PANK4: variants seen among roughly 807,000 people sequenced by gnomAD.
PANK4 encodes the protein 4'-phosphopantetheine phosphatase.
PANK4 carries 40 observed loss-of-function variants against 87.9 expected under a neutral mutation model. The ratio of observed to expected loss-of-function variants is 0.46; its 90% CI spans 0.35 to 0.59. The LOEUF is 0.59. Among genes scored for constraint, PANK4 ranks in the 20% least tolerant of loss-of-function variants. The pLI is 0.00. For missense variants in PANK4, 926 were observed against 1,072.3 expected (o/e 0.86, Z 1.90); for synonymous variants, 524 against 467.4 (o/e 1.12, Z -1.56).
chr1:2,524,212 C>A (rs544712992), intron 1 of PANK4, among the ~76,000 whole-genome samples: 2 of 152,294 alleles, frequency 1.3e-5, no homozygotes, highest in African/African-American at 4.8e-5. Flanking sequence ...TGAATCTGCT[C>A]AGCAGACATC....
At chr1:2,526,324 C>G (rs945498249) in intron 1 of PANK4, 140 bp downstream of exon 1, 2 of 336,824 alleles carry the variant, frequency 5.9e-6, no homozygotes, top group African/African-American at 4.5e-5. Context: ...TGCGCGGGCC[C>G]GCGGACTACA....
Position 2,509,790 on chromosome 1 carries a change from C to T in PANK4, c.2108+72G>A, listed in dbSNP as rs904102893. The T allele has an allele frequency of 7.2e-7, 1 of 1,389,604 alleles. No homozygotes were observed. The highest frequency in any genetic ancestry group is 1.8e-5 in the Admixed American group (1 of 56,372). 86.1% of individuals were successfully genotyped at this position (1,389,604 alleles called of 1,614,324 possible). A position where few individuals can be genotyped will look rare whatever the true frequency, so the allele number is the denominator to read the frequency against. ...CCTGAGGTCGGTGTCCCGCATGCAC[C>T]TGGGTGCAGGTGCACGGCACAGAGG... On this transcript the variant is annotated intron_variant, in intron 18 of 18. Transcript: ENST00000378466. The surrounding 1 kb of genome is among the most constrained non-coding windows in gnomAD (Gnocchi z 4.9).
chr1:2,520,993 T>C lies in PANK4; in HGVS notation c.423-87A>G, dbSNP rs532340122. 1.4e-4 allele frequency: 216 copies of C among 1,533,194 alleles called. 1 individual carries two copies. The East Asian group carries it at 4.5e-3, about 32-fold the overall frequency. 95.0% of individuals were successfully genotyped at this position (1,533,194 alleles called of 1,614,324 possible). ...CCTGCCTGGTCCGAAGGGGCAGCCA[T>C]GCCCCATGCGCAATCTGACACACGA... On this transcript the variant is annotated intron_variant, in intron 3 of 18. Coordinates refer to ENST00000378466, the MANE Select transcript of PANK4 (RefSeq NM_018216.4). The surrounding 1 kb of genome is among the most constrained non-coding windows in gnomAD (Gnocchi z 6.2).
chr1:2,523,955 T>C (rs1643899137), intron 1 of PANK4, among the ~76,000 whole-genome samples: 1 of 152,222 alleles, frequency 6.6e-6, no homozygotes, highest in Non-Finnish European at 1.5e-5. Context: ...TCTTCACATC[T>C]GAGCCATGGC....
chr1:2,518,388 C>CT, intron 8 of PANK4, 124 bp from the exon 9 acceptor site: 2 of 967,326 alleles, frequency 2.1e-6, no homozygotes. Flanking sequence ...GACATGCCTG[C>CT]TGCTGTCACT....
chr1:2,513,938 G>A lies in PANK4; in HGVS notation c.1575+64C>T. 2.5e-6 allele frequency: 3 copies of A among 1,215,584 alleles called. No individual in the cohort carries two copies. In the South Asian group the frequency reaches 3.6e-5, roughly 15 times the overall value. The allele number at this position is 1,215,584 out of a possible 1,614,324, so 75.3% of individuals were successfully genotyped here. On this transcript the variant is annotated intron_variant, in intron 12 of 18. Coordinates refer to ENST00000378466, the MANE Select transcript of PANK4 (RefSeq NM_018216.4). ...GCCCCGAGCCAGCGGGACAGAGACA[G>A]GACACGCGGTGCCAGCGGGACGGGG...
Position 2,514,415 on chromosome 1 carries a change from T to A in PANK4, c.1426A>T (p.Arg476Trp), listed in dbSNP as rs1482886719. 6.2e-7 allele frequency: 1 copy of A among 1,612,208 alleles called. No individual in the cohort carries two copies. Among genetic ancestry groups the A allele is most frequent in the South Asian group, 1.1e-5 (1 of 91,068 alleles). Residue 476 changes from arginine to tryptophan, a missense_variant, in exon 11 of 19, where the codon AGG (arginine) becomes TGG (tryptophan). Arg to Trp is a moderately radical substitution (Grantham distance 101, BLOSUM62 -3). Coordinates refer to ENST00000378466, the MANE Select transcript of PANK4 (RefSeq NM_018216.4). ...TACTTCTGCCGGAACTTCTCCGCCC[T>A]CTCGGCTGCATCCACAGAGTCTGGC... ...SQPDSVDAAE[R>W]AEKFRQKYWN...
intron 15 of PANK4, 145 bp downstream of exon 15, chr1:2,511,193 C>G: frequency 1.5e-6 from 1 of 676,736 alleles, no homozygotes; most frequent in Non-Finnish European, 2.7e-6. Flanking sequence ...GCAGGGGATG[C>G]TGAGACCCTT....
chr1:2,511,469 T>C (rs1039487991), intron 14 of PANK4, 82 bp from the exon 15 acceptor site: 7 of 1,221,718 alleles, frequency 5.7e-6, no homozygotes, highest in African/African-American at 4.5e-5. Context: ...TGTTCGTCTC[T>C]CCAGGAAGCA....
At chr1:2,514,167 G>A (rs147608010) in intron 11 of PANK4, 78 bp from the exon 12 acceptor site, 48 of 1,333,534 alleles carry the variant, frequency 3.6e-5, no homozygotes, top group African/African-American at 1.6e-4. Context: ...GCTGTGCCAC[G>A]GACGTCCTCA....
At position 2,510,651 on chromosome 1, in the gene PANK4, G is replaced by T; in HGVS notation, c.1938+27C>A. On this transcript the variant is annotated intron_variant, in intron 16 of 18. Transcript: ENST00000378466. The surrounding 1 kb of genome is among the most constrained non-coding windows in gnomAD (Gnocchi z 4.9). ...CGAGAGCAGAGAAGCCCAGGGGAAG[G>T]GCCCCACCCACCACCTCAACACTCA... is the stretch of plus-strand genomic sequence containing the variant. 1 of 1,360,286 alleles carries T rather than the reference G, an allele frequency of 7.4e-7. No individual in the cohort carries two copies. The highest frequency in any genetic ancestry group is 1.0e-6 in the Non-Finnish European group (1 of 952,492). The allele number at this position is 1,360,286 out of a possible 1,614,324, so 84.3% of individuals were successfully genotyped here.
chr1:2,516,443 G>C (rs1355992947), intron 9 of PANK4, among the ~76,000 whole-genome samples: 1 of 152,182 alleles, frequency 6.6e-6, no homozygotes, highest in Non-Finnish European at 1.5e-5. Flanking sequence ...CTGAGCCGAC[G>C]CACACATCAG....
In PANK4 at chr1:2,521,387, C is replaced by T. The variant is rs562561305; in HGVS notation, c.208-72G>A. The T allele has an allele frequency of 3.0e-4, 354 of 1,198,048 alleles. 9 individuals are homozygous for T. In the South Asian group the frequency reaches 4.0e-3, roughly 13 times the overall value. 74.2% of individuals were successfully genotyped at this position (1,198,048 alleles called of 1,614,324 possible). On this transcript the variant is annotated intron_variant, in intron 2 of 18. Transcript: ENST00000378466. ...CGGGCTGGGCTGTGCGCACCCTGCC[C>T]TAGTGGAGCTGGCTGTTCGCGCCAG... is the stretch of plus-strand genomic sequence containing the variant.
rs1299959434 is a variant in PANK4, at chr1:2,520,153, C to G, written c.699+169G>C. ...ATAGAAGCTCTGGGTTGCTGGGACA[C>G]CCAACCCTCAGGGCGCAAAGAGTGA... On this transcript the variant is annotated intron_variant, in intron 5 of 18. Coordinates refer to ENST00000378466, the MANE Select transcript of PANK4 (RefSeq NM_018216.4). This position sits in a 1 kb window ranked among gnomAD's most constrained non-coding sequence, Gnocchi z 6.2. Among the ~76,000 whole-genome samples the G allele has an allele frequency of 6.6e-6, 1 of 152,214 alleles. No individual in the cohort carries two copies. Among genetic ancestry groups the G allele is most frequent in the Non-Finnish European group, 1.5e-5 (1 of 68,032 alleles).
rs566630740 is a variant in PANK4, at chr1:2,517,015, C to G, written c.1218+1149G>C. On this transcript the variant is annotated intron_variant, in intron 9 of 18. Transcript: ENST00000378466. ...GTAACAAGCGCCTCCTGAACGGGGC[C>G]CCCGAAGCACTGTGGCCGTCCACGC... Among the ~76,000 whole-genome samples the G allele has an allele frequency of 3.3e-4, 50 of 152,332 alleles. 1 individual carries two copies. The highest frequency in any genetic ancestry group is 2.7e-3 in the Admixed American group (42 of 15,300).
chr1:2,514,230 G>A (rs1453903997), intron 11 of PANK4, 124 bp downstream of exon 11: 33 of 1,110,184 alleles, frequency 3.0e-5, no homozygotes, highest in East Asian at 4.8e-5. Context: ...GGGCTGTGCC[G>A]CCAGGGCCCA....
rs771243319 is a variant in PANK4, at chr1:2,508,823, G to A, written c.*24C>T. 2 of 1,383,764 alleles carry A rather than the reference G, an allele frequency of 1.4e-6. No homozygotes were observed. Among genetic ancestry groups the A allele is most frequent in the Non-Finnish European group, 2.0e-6 (2 of 983,708 alleles). The allele number at this position is 1,383,764 out of a possible 1,614,324, so 85.7% of individuals were successfully genotyped here. ...ACACATTCCTGACAAGTGACAAGCA[G>A]AAGAGTCCGGCAGCTGCAGCGCCTC... On this transcript the variant is annotated 3_prime_UTR_variant, in exon 19 of 19. Transcript: ENST00000378466. This position sits in a 1 kb window ranked among gnomAD's most constrained non-coding sequence, Gnocchi z 5.1.
chr1:2,514,513 C>T (rs1046916494), intron 10 of PANK4, 47 bp from the exon 11 acceptor site: 3 of 1,204,940 alleles, frequency 2.5e-6, no homozygotes, highest in Admixed American at 3.9e-5. Flanking sequence ...GGCCCTGCTG[C>T]TTGCGAATCC....
rs1009797192 is a variant in PANK4, at chr1:2,509,622, C to T, written c.2108+240G>A. On this transcript the variant is annotated intron_variant, in intron 18 of 18. Transcript: ENST00000378466. This position sits in a 1 kb window ranked among gnomAD's most constrained non-coding sequence, Gnocchi z 4.9. ...CCACAGGGACATTGGCCCCTCTTGCCCCAAGTCCCCAAACCCAGCCCATGT... is the reference window on the plus strand; with the variant it reads ...CCACAGGGACATTGGCCCCTCTTGCTCCAAGTCCCCAAACCCAGCCCATGT... Among the ~76,000 whole-genome samples, 1 of 152,136 alleles carries T rather than the reference C, an allele frequency of 6.6e-6. No individual in the cohort carries two copies. Among genetic ancestry groups the T allele is most frequent in the African/African-American group, 2.4e-5 (1 of 41,418 alleles).
Sources: allele counts gnomAD v4.1 joint callset (sites outside exome capture counted in the v4.1 genomes callset), GRCh38; gene constraint gnomAD v4.1.1; non-coding constraint Gnocchi (gnomAD v3.1); transcripts MANE v1.5; gene names NCBI Gene and HGNC (gene_info 2026-07-23, HGNC 2026-07-21).